The following SDK2 variants were observed in gnomAD, a reference collection of about 807,000 sequenced individuals.
SDK2 encodes the protein protein sidekick-2.
Under a neutral mutation model 253.9 loss-of-function variants are expected in SDK2, and 105 were observed. The ratio of observed to expected loss-of-function variants is 0.41; its 90% confidence interval spans 0.35 to 0.49. The LOEUF is 0.49. Among genes scored for constraint, SDK2 ranks in the 20% least tolerant of loss-of-function variants. The probability of loss-of-function intolerance (pLI) is 0.06; values close to 1 mark genes in which losing one functional copy is unlikely to be tolerated. For synonymous variants in SDK2, 1,249 were observed against 1,234.9 expected (o/e 1.01, Z -0.24); for missense variants, 2,608 against 3,003.0 (o/e 0.87, Z 3.07).
At chr17:73,397,064 G>A (rs2062977039) in intron 24 of SDK2, among the ~76,000 whole-genome samples, 1 of 152,226 alleles carries the variant, frequency 6.6e-6, no homozygotes, top group African/African-American at 2.4e-5. Flanking sequence ...GTTGTGTTTT[G>A]CACAATGAGT....
intron 1 of SDK2, among the ~76,000 whole-genome samples, chr17:73,636,513 C>A (rs1334960673): frequency 2.0e-5 from 3 of 151,596 alleles, no homozygotes; most frequent in Admixed American, 2.0e-4. Flanking sequence ...CATGGTGAAA[C>A]CCTGTGCCTA....
rs753704994 is a variant in SDK2, at chr17:73,481,189, G to C, written c.225-8971C>G. On this transcript the variant is annotated intron_variant, in intron 2 of 44. Coordinates refer to ENST00000392650, the MANE Select transcript of SDK2 (RefSeq NM_001144952.2). The surrounding 1 kb of genome is among the most constrained non-coding windows in gnomAD (Gnocchi z 4.5). Reference sequence around the variant, plus strand: ...GGGGTTCCAGAATCCTTGGAAGGTGGGGGAGGGCCCTGGACTTGTCCCCTC... The same window carrying C: ...GGGGTTCCAGAATCCTTGGAAGGTGCGGGAGGGCCCTGGACTTGTCCCCTC... Among the ~76,000 whole-genome samples, 3 of 152,164 alleles carry C rather than the reference G, an allele frequency of 2.0e-5. No individual in the cohort carries two copies. The highest frequency in any genetic ancestry group is 4.4e-5 in the Non-Finnish European group (3 of 68,028).
intron 2 of SDK2, among the ~76,000 whole-genome samples, chr17:73,475,787 C>T (rs140357108): frequency 2.0e-4 from 31 of 152,316 alleles, no homozygotes; most frequent in African/African-American, 6.3e-4. Context: ...ATATTCTTAT[C>T]GGTTGCTGTT....
At chr17:73,412,718 C>A (rs1273288746) in intron 18 of SDK2, among the ~76,000 whole-genome samples, 1 of 152,042 alleles carries the variant, frequency 6.6e-6, no homozygotes, top group African/African-American at 2.4e-5. Flanking sequence ...GAGTCTGAGA[C>A]CAGCCTGGCC....
At chr17:73,399,514 C>T (rs564146935) in intron 21 of SDK2, among the ~76,000 whole-genome samples, 1 of 152,316 alleles carries the variant, frequency 6.6e-6, no homozygotes, top group South Asian at 2.1e-4. Flanking sequence ...CAAAGGGGAT[C>T]TCCTAGGGCT....
chr17:73,522,667 C>T (rs1008506148), intron 1 of SDK2, among the ~76,000 whole-genome samples: 4 of 152,202 alleles, frequency 2.6e-5, no homozygotes, highest in Admixed American at 6.5e-5. Flanking sequence ...TTGCTTCTCT[C>T]GCTCAATGTC....
chr17:73,526,109 C>G (rs1050457226), intron 1 of SDK2, among the ~76,000 whole-genome samples: 2 of 152,194 alleles, frequency 1.3e-5, no homozygotes, highest in African/African-American at 2.4e-5. Flanking sequence ...CAATGAGCAT[C>G]CTAAATGGCA....
At chr17:73,569,798 G>A (rs996825846) in intron 1 of SDK2, among the ~76,000 whole-genome samples, 4 of 152,018 alleles carry the variant, frequency 2.6e-5, no homozygotes, top group Admixed American at 6.5e-5. Context: ...GAGAACCCCC[G>A]CAAAGGTCCT....
chr17:73,531,344 C>A (rs1296101765), intron 1 of SDK2, among the ~76,000 whole-genome samples: 2 of 152,182 alleles, frequency 1.3e-5, no homozygotes, highest in Non-Finnish European at 2.9e-5. Flanking sequence ...TTTGTACAGT[C>A]ATCCAATCCA....
chr17:73,342,986 G>A (rs561162840), intron 44 of SDK2, among the ~76,000 whole-genome samples: 2 of 152,290 alleles, frequency 1.3e-5, no homozygotes, highest in South Asian at 4.1e-4. Flanking sequence ...AAGCCGGGGA[G>A]GCTGACTCAG....
intron 40 of SDK2, among the ~76,000 whole-genome samples, chr17:73,355,593 G>A (rs1057337403): frequency 1.3e-5 from 2 of 152,208 alleles, no homozygotes; most frequent in African/African-American, 4.8e-5. Context: ...TGATCCGCCT[G>A]CCTTGGACTC....
intron 14 of SDK2, among the ~76,000 whole-genome samples, 174 bp from the exon 15 acceptor site, chr17:73,422,608 G>A (rs761911861): frequency 1.6e-4 from 25 of 152,126 alleles, no homozygotes; most frequent in African/African-American, 4.1e-4. Context: ...TAGCTCACAC[G>A]ACCCTGGGGA....
At position 73,401,771 on chromosome 17, in the gene SDK2, C is replaced by A. The variant is rs2145528150; in HGVS notation, c.2681-19G>T. On this transcript the variant is annotated intron_variant, in intron 19 of 44. Transcript: ENST00000392650. ...CCAGGCACTGCACCCCAAAAGGAAC[C>A]CCCACCCCCCAAGGCCAGTTAGAGC... 6.4e-7 allele frequency: 1 copy of A among 1,556,224 alleles called. No homozygotes were observed. The highest frequency in any genetic ancestry group is 2.4e-5 in the East Asian group (1 of 42,004).
chr17:73,418,026 T>G (rs890377086), intron 16 of SDK2, among the ~76,000 whole-genome samples: 43 of 150,506 alleles, frequency 2.9e-4, no homozygotes, highest in African/African-American at 9.5e-4. Flanking sequence ...TTTTTTTTTT[T>G]TTGTTTTTAG....
intron 36 of SDK2, among the ~76,000 whole-genome samples, chr17:73,372,785 A>C (rs2062746831): frequency 6.6e-6 from 1 of 152,128 alleles, no homozygotes. Context: ...AAAAAACCCC[A>C]AAAAACTGTA....
intron 33 of SDK2, among the ~76,000 whole-genome samples, chr17:73,381,519 G>C (rs980640519): frequency 6.6e-6 from 1 of 152,090 alleles, no homozygotes; most frequent in African/African-American, 2.4e-5. Context: ...TCATCATTTT[G>C]TTGTCTGCTA....
At chr17:73,635,321 G>A (rs913689931) in intron 1 of SDK2, among the ~76,000 whole-genome samples, 7 of 152,168 alleles carry the variant, frequency 4.6e-5, no homozygotes, top group East Asian at 1.9e-4. Context: ...CTGCTGTCCC[G>A]TCTGGGCCCC....
intron 40 of SDK2, among the ~76,000 whole-genome samples, chr17:73,356,439 G>A (rs961130672): frequency 5.3e-5 from 8 of 152,196 alleles, no homozygotes; most frequent in Admixed American, 2.0e-4. Flanking sequence ...ATCCCTGGGC[G>A]AACCTCTCCC....
intron 14 of SDK2, 96 bp from the exon 15 acceptor site, chr17:73,422,530 GC>G: frequency 7.1e-7 from 1 of 1,406,286 alleles, no homozygotes. Context: ...CTTCACTGGG[GC>G]TGGCAAGAGA....
Sources: gnomAD v4.1 joint callset for allele counts (sites outside exome capture counted in the v4.1 genomes callset) on GRCh38, gnomAD v4.1.1 for gene constraint, Gnocchi (gnomAD v3.1) non-coding constraint, MANE v1.5 for transcripts, NCBI Gene and HGNC (gene_info 2026-07-23, HGNC 2026-07-21) for gene names.